RASGRF2: variants seen among roughly 807,000 people sequenced by gnomAD.
RASGRF2 encodes Ras protein specific guanine nucleotide releasing factor 2.
Under a neutral mutation model 151.0 loss-of-function variants are expected in RASGRF2, and 76 were observed. That is an observed-to-expected ratio of 0.50 (90% CI 0.42 to 0.61). RASGRF2 has a LOEUF of 0.61. Ranked by LOEUF, RASGRF2 falls within the 20% of genes least tolerant of loss-of-function variation. The pLI is 0.00. For synonymous variants in RASGRF2, 504 were observed against 566.5 expected (o/e 0.89, Z 1.57); for missense variants, 1,148 against 1,564.6 (o/e 0.73, Z 4.49).
In RASGRF2 at chr5:81,123,697, G is replaced by A. The variant is rs755800361; in HGVS notation, c.2526G>A (p.Ala842=). The change falls in exon 16 of 27, where the codon GCG becomes GCA. Residue 842 remains alanine (A), a synonymous_variant. Coordinates refer to ENST00000265080, the MANE Select transcript of RASGRF2 (RefSeq NM_006909.3). ...CAGGAGTGGAAAGCTCCCCTGCAGC[G>A]GACACCACAGAACTTTCACCTTGCA... The part of the protein sequence containing the change: ...DRAGVESSPA[A]DTTELSPCRS... 1.7e-5 allele frequency: 27 copies of A among 1,613,800 alleles called. No homozygotes were observed. Among genetic ancestry groups the A allele is most frequent in the South Asian group, 9.9e-5 (9 of 91,056 alleles).
chr5:81,086,832 CAGA>C lies in RASGRF2; in HGVS notation c.1272-2_1272del. On this transcript the variant is annotated splice_acceptor_variant and coding_sequence_variant, in exon 9 of 27. Coordinates refer to ENST00000265080, the MANE Select transcript of RASGRF2 (RefSeq NM_006909.3). LOFTEE classifies it high-confidence loss of function. ...CTGTGATCCTGTCTGTGTTGTGTCA[CAGA>C]GTAATGCACGATGAAGTCAGCGACA... is the stretch of plus-strand genomic sequence containing the variant. The C allele has an allele frequency of 6.2e-7, 1 of 1,606,198 alleles. No individual in the cohort carries two copies.
intron 20 of RASGRF2, 80 bp downstream of exon 20, chr5:81,206,985 C>A: frequency 8.2e-7 from 1 of 1,213,978 alleles, no homozygotes; most frequent in Non-Finnish European, 1.2e-6. Context: ...TGTAACCGAT[C>A]AAGGAGTGTT....
At chr5:80,968,464 A>C (rs1296302100) in intron 1 of RASGRF2, among the ~76,000 whole-genome samples, 2 of 151,998 alleles carry the variant, frequency 1.3e-5, no homozygotes, top group Non-Finnish European at 2.9e-5. Flanking sequence ...TTGGCACTGG[A>C]GATTGCACTG....
chr5:81,206,862 A>G lies in RASGRF2; in HGVS notation c.2924A>G (p.Asp975Gly). Residue 975 changes from aspartate to glycine, a missense_variant, in exon 20 of 27, where the codon GAC (aspartate) becomes GGC (glycine). Coordinates refer to ENST00000265080, the MANE Select transcript of RASGRF2 (RefSeq NM_006909.3). The part of the protein sequence containing the change: ...ANILRALSQD[D>G]QDDIHLKLED... ...TTTTTCAGGGCCCTTTCACAAGATG[A>G]CCAAGATGACATCCACCTAAAATTA... is the stretch of plus-strand genomic sequence containing the variant. 6.2e-7 allele frequency: 1 copy of G among 1,610,908 alleles called. No homozygotes were observed. Among genetic ancestry groups the G allele is most frequent in the Non-Finnish European group, 8.5e-7 (1 of 1,177,022 alleles).
rs538052465 is a variant in RASGRF2 at position 81,199,667 on chromosome 5, G to C, written c.2794-1663G>C. Among the ~76,000 whole-genome samples, 521 of 152,146 alleles carry C rather than the reference G, an allele frequency of 3.4e-3. 2 individuals are homozygous for C. Among genetic ancestry groups the C allele is most frequent in the Non-Finnish European group, 4.9e-3 (330 of 67,990 alleles). On this transcript the variant is annotated intron_variant, in intron 18 of 26. Transcript: ENST00000265080. ...GCTCCCAGCACTTTGGGAGGCCAAGGCAGGCAGGTTACTTGAGGTTAGGAG... is the reference window on the plus strand; with the variant it reads ...GCTCCCAGCACTTTGGGAGGCCAAGCCAGGCAGGTTACTTGAGGTTAGGAG...
At chr5:81,220,165 T>C (rs1755828272) in intron 26 of RASGRF2, among the ~76,000 whole-genome samples, 1 of 152,198 alleles carries the variant, frequency 6.6e-6, no homozygotes, top group African/African-American at 2.4e-5. Flanking sequence ...ATAAAACATT[T>C]TCCTGGCTTC....
At position 80,960,795 on chromosome 5, in the gene RASGRF2, G is replaced by A. The variant is rs188573830; in HGVS notation, c.57G>A (p.Ala19=). ...EGHALYLAFL[A]RKEGTKRGFL... ...ACGCCCTGTACCTGGCCTTTCTGGC[G>A]CGCAAGGAGGGCACCAAGCGCGGCT... Residue 19 remains alanine, a synonymous_variant, in exon 1 of 27, where the codon GCG becomes GCA. Transcript: ENST00000265080. This position sits in a 1 kb window ranked among gnomAD's most constrained non-coding sequence, Gnocchi z 5.5. 2.9e-4 allele frequency: 473 copies of A among 1,613,120 alleles called. 3 individuals carry two copies. The East Asian group carries it at 9.1e-3, about 31-fold the overall frequency.
At chr5:80,993,828 C>G (rs1748731672) in intron 1 of RASGRF2, among the ~76,000 whole-genome samples, 1 of 152,098 alleles carries the variant, frequency 6.6e-6, no homozygotes, top group South Asian at 2.1e-4. Flanking sequence ...CCCCTTTCCC[C>G]TCTCATCTCT....
At chr5:81,160,682 AAAT>A (rs531513005) in intron 17 of RASGRF2, among the ~76,000 whole-genome samples, 3,056 of 138,444 alleles carry the variant, frequency 0.022, 86 homozygotes, top group African/African-American at 0.072. Flanking sequence ...TCTGTCTCAA[AAAT>A]AATAATAATA....
intron 17 of RASGRF2, among the ~76,000 whole-genome samples, chr5:81,174,363 G>C (rs1314250155): frequency 2.6e-5 from 4 of 152,240 alleles, no homozygotes; most frequent in Non-Finnish European, 5.9e-5. Context: ...AACTGGAGGT[G>C]TCAGGTTGGA....
At chr5:80,970,025 A>G (rs1747880462) in intron 1 of RASGRF2, among the ~76,000 whole-genome samples, 1 of 150,786 alleles carries the variant, frequency 6.6e-6, no homozygotes, top group Non-Finnish European at 1.5e-5. Context: ...GGATTTCTCC[A>G]TGTTGGTCAG....
chr5:81,086,042 T>G (rs1752219826), intron 8 of RASGRF2, 131 bp downstream of exon 8: 4 of 1,417,670 alleles, frequency 2.8e-6, no homozygotes, highest in Middle Eastern at 3.7e-4. Flanking sequence ...ACCTGAAAGT[T>G]AAATAGTAGC....
intron 1 of RASGRF2, among the ~76,000 whole-genome samples, chr5:81,016,592 C>A (rs1749643265): frequency 6.6e-6 from 1 of 152,090 alleles, no homozygotes; most frequent in Non-Finnish European, 1.5e-5. Flanking sequence ...AGGATGCAGC[C>A]AAACTCCATG....
intron 17 of RASGRF2, among the ~76,000 whole-genome samples, chr5:81,175,898 C>A (rs1436902476): frequency 6.6e-6 from 1 of 152,024 alleles, no homozygotes; most frequent in African/African-American, 2.4e-5. Flanking sequence ...ATTCTTAATT[C>A]CTAATTTGTC....
intron 1 of RASGRF2, among the ~76,000 whole-genome samples, chr5:80,998,983 G>A (rs563131959): frequency 6.6e-6 from 1 of 152,224 alleles, no homozygotes; most frequent in East Asian, 1.9e-4. Context: ...GGTCCCTGGG[G>A]CTTAGAGGAG....
rs981113840 is a variant in RASGRF2 at position 81,094,956 on chromosome 5, C to T, written c.1719C>T (p.Arg573=). The change falls in exon 12 of 27, where the codon CGC becomes CGT. Residue 573 remains arginine, a synonymous_variant. Coordinates refer to ENST00000265080, the MANE Select transcript of RASGRF2 (RefSeq NM_006909.3). ...CTGTTGTCTTGTTAGCACCCTCACG[C>T]CAGGAGAAAGCTGCCTGGATGAGTG... is the stretch of plus-strand genomic sequence containing the variant. ...AFTVVLLAPS[R]QEKAAWMSDI... is the part of the protein sequence containing the mutation. The T allele has an allele frequency of 1.9e-6, 3 of 1,584,898 alleles. No individual in the cohort carries two copies. The highest frequency in any genetic ancestry group is 2.6e-6 in the Non-Finnish European group (3 of 1,165,264).
At chr5:81,051,311 A>T (rs922421740) in intron 2 of RASGRF2, among the ~76,000 whole-genome samples, 1 of 152,320 alleles carries the variant, frequency 6.6e-6, no homozygotes, top group African/African-American at 2.4e-5. Flanking sequence ...ATTGCTTTTT[A>T]AAAATATTTT....
intron 1 of RASGRF2, among the ~76,000 whole-genome samples, chr5:81,030,427 G>A (rs552634566): frequency 6.6e-6 from 1 of 152,322 alleles, no homozygotes; most frequent in Admixed American, 6.5e-5. Context: ...ACAAAGGGAA[G>A]CCCATCAGAT....
intron 17 of RASGRF2, among the ~76,000 whole-genome samples, chr5:81,153,891 C>A (rs148921007): frequency 2.6e-4 from 38 of 147,588 alleles, no homozygotes; most frequent in African/African-American, 8.0e-4. Flanking sequence ...AAAAAAAATT[C>A]ATGAGAGACT....
Sources: gnomAD v4.1 joint callset for allele counts (sites outside exome capture counted in the v4.1 genomes callset) on GRCh38, gnomAD v4.1.1 for gene constraint, Gnocchi (gnomAD v3.1) non-coding constraint, MANE v1.5 for transcripts, NCBI Gene and HGNC (gene_info 2026-07-23, HGNC 2026-07-21) for gene names.